The following ZNRF1 variants were observed in gnomAD, a reference collection of about 807,000 sequenced individuals.
ZNRF1 encodes the protein E3 ubiquitin-protein ligase ZNRF1.
ZNRF1 carries 3 observed loss-of-function variants against 18.4 expected under a neutral mutation model. The observed-to-expected ratio is 0.16, with a 90% CI of 0.07 to 0.42. ZNRF1 has a LOEUF of 0.42. ZNRF1 is among the 10% of genes least tolerant of loss of function. The pLI is 0.99. For synonymous variants in ZNRF1, 157 were observed against 144.2 expected, an observed-to-expected ratio of 1.09 and a Z score of -0.64; for missense variants, 310 against 329.8, an observed-to-expected ratio of 0.94 and a Z score of 0.47.
At chr16:75,082,228 C>T (rs1044072229) in intron 1 of ZNRF1, among the ~76,000 whole-genome samples, 1 of 152,084 alleles carries the variant, frequency 6.6e-6, no homozygotes, top group Non-Finnish European at 1.5e-5. Context: ...ATTGGACCAT[C>T]ATGTCCCGGT....
intron 1 of ZNRF1, among the ~76,000 whole-genome samples, chr16:75,089,023 T>C (rs1056472069): frequency 2.6e-5 from 4 of 152,128 alleles, no homozygotes; most frequent in African/African-American, 9.7e-5. Flanking sequence ...CCATGGCCAG[T>C]GTGCCCTTGC....
intron 1 of ZNRF1, among the ~76,000 whole-genome samples, chr16:75,049,173 T>C (rs555173729): frequency 6.6e-6 from 1 of 151,190 alleles, no homozygotes; most frequent in East Asian, 2.0e-4. Flanking sequence ...CCCAGCTTCT[T>C]TTTGTATTTT....
chr16:75,010,711 G>GTTGT (rs1555509222), intron 1 of ZNRF1, among the ~76,000 whole-genome samples: 2 of 74,322 alleles, frequency 2.7e-5, no homozygotes, highest in South Asian at 3.8e-4. Context: ...GTTTTTTTTT[G>GTTGT]TTTTTTTGTT....
intron 1 of ZNRF1, among the ~76,000 whole-genome samples, chr16:75,028,344 A>G (rs1231438412): frequency 6.6e-6 from 1 of 152,164 alleles, no homozygotes; most frequent in Non-Finnish European, 1.5e-5. Flanking sequence ...CCCAGGCTAG[A>G]GTGCAATGGC....
At chr16:75,093,521 G>A (rs747555227) in intron 1 of ZNRF1, 51 bp from the exon 2 acceptor site, 9 of 1,424,294 alleles carry the variant, frequency 6.3e-6, no homozygotes, top group African/African-American at 1.4e-5. Context: ...CATGTACTGT[G>A]GATGTACTGG....
intron 1 of ZNRF1, among the ~76,000 whole-genome samples, chr16:75,060,547 C>T (rs1203871720): frequency 1.5e-5 from 2 of 134,004 alleles, no homozygotes; most frequent in Admixed American, 8.3e-5. Context: ...GGTGTGATCT[C>T]GGCTCACTGC....
At chr16:75,062,063 G>A (rs945741965) in intron 1 of ZNRF1, among the ~76,000 whole-genome samples, 1 of 152,208 alleles carries the variant, frequency 6.6e-6, no homozygotes, top group African/African-American at 2.4e-5. Context: ...AAATATTCAT[G>A]TTCTCGTTGT....
chr16:75,034,779 A>G (rs772353146), intron 1 of ZNRF1, among the ~76,000 whole-genome samples: 12 of 150,558 alleles, frequency 8.0e-5, no homozygotes, highest in Non-Finnish European at 1.6e-4. Context: ...GGTGTGCACC[A>G]CTATACCTGG....
At chr16:75,016,022 A>T in intron 1 of ZNRF1, among the ~76,000 whole-genome samples, 1 of 141,448 alleles carries the variant, frequency 7.1e-6, no homozygotes, top group Admixed American at 7.1e-5. Context: ...CCGGGTTCAT[A>T]CCATTCTCCT....
intron 1 of ZNRF1, among the ~76,000 whole-genome samples, chr16:75,086,825 T>A (rs2036080569): frequency 6.6e-6 from 1 of 152,154 alleles, no homozygotes; most frequent in South Asian, 2.1e-4. Flanking sequence ...CCCCAGGACC[T>A]CCCATCTGTG....
intron 1 of ZNRF1, among the ~76,000 whole-genome samples, chr16:75,048,228 G>A (rs553831837): frequency 6.6e-6 from 1 of 152,170 alleles, no homozygotes; most frequent in Admixed American, 6.5e-5. Context: ...TGGGATTACA[G>A]ACATGAGTCA....
chr16:75,005,038 T>A (rs2034901012), intron 1 of ZNRF1, among the ~76,000 whole-genome samples: 1 of 152,164 alleles, frequency 6.6e-6, no homozygotes, highest in African/African-American at 2.4e-5. Flanking sequence ...GGGGGAGAAT[T>A]GCCAGCTCCC....
intron 2 of ZNRF1, chr16:75,095,821 T>C: frequency 2.9e-6 from 4 of 1,383,638 alleles, no homozygotes; most frequent in Non-Finnish European, 3.8e-6. Flanking sequence ...TCCCCCTCTG[T>C]ATCAGCACTT....
At position 75,036,909 on chromosome 16, in the gene ZNRF1, C is replaced by G. The variant is rs188307319; in HGVS notation, c.424+36814C>G. 2.0e-5 allele frequency among the ~76,000 whole-genome samples: 3 copies of G among 152,274 alleles called. No homozygotes were observed. The East Asian group carries it at 5.8e-4, about 29-fold the overall frequency. On this transcript the variant is annotated intron_variant, in intron 1 of 4. Transcript: ENST00000335325. Reference sequence around the variant, plus strand: ...GAGAAGATGCTTGGACTATGCAGCACTTTTATAGGTCCAGTTGTGTTGATT... The same window carrying G: ...GAGAAGATGCTTGGACTATGCAGCAGTTTTATAGGTCCAGTTGTGTTGATT...
chr16:75,057,576 G>A (rs1028427248), intron 1 of ZNRF1, among the ~76,000 whole-genome samples: 2 of 152,158 alleles, frequency 1.3e-5, no homozygotes, highest in Non-Finnish European at 2.9e-5. Flanking sequence ...CGTCATAACA[G>A]CTGCTTTGCA....
intron 1 of ZNRF1, among the ~76,000 whole-genome samples, chr16:75,022,571 AAAAAC>A (rs2035167038): frequency 6.6e-6 from 1 of 152,136 alleles, no homozygotes; most frequent in African/African-American, 2.4e-5. Flanking sequence ...GTCTCAAAAA[AAAAAC>A]AAAACAAAAA....
At chr16:75,033,338 A>G (rs2035331227) in intron 1 of ZNRF1, among the ~76,000 whole-genome samples, 1 of 151,760 alleles carries the variant, frequency 6.6e-6, no homozygotes, top group Non-Finnish European at 1.5e-5. Flanking sequence ...AATTGAGGAA[A>G]GTTAACATCT....
At chr16:75,037,337 G>T (rs1458892602) in intron 1 of ZNRF1, among the ~76,000 whole-genome samples, 2 of 151,730 alleles carry the variant, frequency 1.3e-5, no homozygotes, top group African/African-American at 4.9e-5. Flanking sequence ...TCACTCTTTT[G>T]TTTTTTTGTT....
intron 1 of ZNRF1, among the ~76,000 whole-genome samples, chr16:75,093,117 G>A (rs1282153718): frequency 6.6e-6 from 1 of 152,240 alleles, no homozygotes; most frequent in Admixed American, 6.5e-5. Flanking sequence ...GGGCGCGGTG[G>A]CTCATGCCTG....
Sources: gnomAD v4.1 joint callset for allele counts (sites outside exome capture counted in the v4.1 genomes callset) on GRCh38, gnomAD v4.1.1 for gene constraint, MANE v1.5 for transcripts, NCBI Gene and HGNC (gene_info 2026-07-23, HGNC 2026-07-21) for gene names.